SMG1: variants seen among roughly 807,000 people sequenced by gnomAD.
SMG1 encodes serine/threonine-protein kinase SMG1.
A neutral mutation model predicts 419.9 loss-of-function variants in SMG1; 22 were observed. The ratio of observed to expected loss-of-function variants is 0.05; its 90% CI spans 0.04 to 0.07. The LOEUF (loss-of-function observed/expected upper bound fraction) is 0.07. Among genes scored for constraint, SMG1 ranks in the 10% least tolerant of loss-of-function variants. The pLI is 1.00. For synonymous variants in SMG1, 1,538 were observed against 1,553.5 expected, an observed-to-expected ratio of 0.99 and a Z score of 0.23; for missense variants, 3,185 against 4,342.0, an observed-to-expected ratio of 0.73 and a Z score of 7.49.
chr16:18,852,665 A>G (rs1022597651), intron 31 of SMG1, among the ~76,000 whole-genome samples: 2 of 152,232 alleles, frequency 1.3e-5, no homozygotes, highest in African/African-American at 2.4e-5. Context: ...TGAATTCATT[A>G]GCTTCCCAAG....
At chr16:18,885,798 G>C in intron 6 of SMG1, 132 bp from the exon 7 acceptor site, 1 of 704,892 alleles carries the variant, frequency 1.4e-6, no homozygotes, top group Non-Finnish European at 2.2e-6. Flanking sequence ...TGTAGTTTTA[G>C]TTAAAAAAAA....
At chr16:18,912,558 T>C (rs2037835208) in intron 1 of SMG1, among the ~76,000 whole-genome samples, 1 of 152,048 alleles carries the variant, frequency 6.6e-6, no homozygotes, top group Admixed American at 6.6e-5. Context: ...AAGATTACAA[T>C]GAAAATGTAG....
chr16:18,827,977 A>T, intron 55 of SMG1, 54 bp downstream of exon 55: 1 of 1,560,050 alleles, frequency 6.4e-7, no homozygotes, highest in Non-Finnish European at 8.7e-7. Context: ...CAATCATAGT[A>T]TTGGTTATTT....
chr16:18,865,007 G>A (rs980657227), intron 23 of SMG1, among the ~76,000 whole-genome samples: 1 of 152,186 alleles, frequency 6.6e-6, no homozygotes, highest in African/African-American at 2.4e-5. Flanking sequence ...TCAGTGTGTG[G>A]AAAGGCTTTG....
chr16:18,828,140 C>A lies in SMG1; in HGVS notation c.9632G>T (p.Arg3211Ile), dbSNP rs1478680708. 2 of 1,613,018 alleles carry A rather than the reference C, an allele frequency of 1.2e-6. No homozygotes were observed. The highest frequency in any genetic ancestry group is 2.7e-5 in the African/African-American group (2 of 74,774). Residue 3211 changes from arginine to isoleucine, a missense_variant, in exon 55 of 63, where the codon AGA (arginine) becomes ATA (isoleucine). Transcript: ENST00000446231. ...AGGTGTGACTGACATGGCTTGTGGT[C>A]TATTGATAAGTAGATCTTCATGTTG... Reference protein sequence around the residue: ...QWQHEDLLINRPQAMSVTPPP... With the variant: ...QWQHEDLLINIPQAMSVTPPP...
At chr16:18,908,314 G>A (rs554223024) in intron 1 of SMG1, among the ~76,000 whole-genome samples, 10 of 149,870 alleles carry the variant, frequency 6.7e-5, no homozygotes, top group South Asian at 6.3e-4. Flanking sequence ...GCAGTGAGCC[G>A]AGAGCTCACC....
intron 1 of SMG1, among the ~76,000 whole-genome samples, chr16:18,900,282 A>C (rs913440308): frequency 6.6e-6 from 1 of 152,224 alleles, no homozygotes; most frequent in African/African-American, 2.4e-5. Flanking sequence ...TGTTAACTGT[A>C]ACATACAAAT....
At chr16:18,899,962 A>C in intron 1 of SMG1, 1 of 1,348,422 alleles carries the variant, frequency 7.4e-7, no homozygotes, top group Non-Finnish European at 1.0e-6. Context: ...ATGCCACATG[A>C]GAGGTAAGTT....
chr16:18,924,851 T>C (rs568175109), intron 1 of SMG1: 1 of 152,206 alleles, frequency 6.6e-6, no homozygotes. Flanking sequence ...AATGTTACAT[T>C]CTAACATCTT....
At position 18,805,769 on chromosome 16, in the gene SMG1, T is replaced by A. The variant is rs2030769911; in HGVS notation, c.*3800A>T. The A allele has an allele frequency of 6.6e-6, 1 of 152,230 alleles. No individual in the cohort carries two copies. Among genetic ancestry groups the A allele is most frequent in the Non-Finnish European group, 1.5e-5 (1 of 68,030 alleles). The allele number at this position is 152,230 out of a possible 1,614,324, so 9.4% of individuals were successfully genotyped here. A position where few individuals can be genotyped will look rare whatever the true frequency, so the allele number is the denominator to read the frequency against. On this transcript the variant is annotated 3_prime_UTR_variant, in exon 63 of 63. Transcript: ENST00000446231. The stretch of plus-strand genomic sequence containing the variant: ...CTTATGGGGGGAAAAGTCCTAGTTT[T>A]AAATTGCTGGCATTTTACAAGCTCA...
chr16:18,880,120 T>C (rs775101052), intron 10 of SMG1, among the ~76,000 whole-genome samples: 12 of 152,220 alleles, frequency 7.9e-5, no homozygotes, highest in Non-Finnish European at 1.5e-4. Context: ...CTTTTGGGAA[T>C]CAATCTTTTA....
intron 1 of SMG1, among the ~76,000 whole-genome samples, chr16:18,921,853 T>C (rs1274644250): frequency 2.6e-5 from 4 of 152,226 alleles, no homozygotes; most frequent in Admixed American, 2.0e-4. Context: ...GTGTGTACTT[T>C]TGAATACTTT....
chr16:18,835,900 A>G, intron 48 of SMG1, 33 bp downstream of exon 48: 1 of 1,542,510 alleles, frequency 6.5e-7, no homozygotes, highest in South Asian at 1.2e-5. Flanking sequence ...CTCCGTCTCA[A>G]AAATAAAAGA....
intron 1 of SMG1, among the ~76,000 whole-genome samples, chr16:18,922,859 CTGTT>C (rs2038249791): frequency 6.6e-6 from 1 of 152,068 alleles, no homozygotes. Context: ...GGTGGGCAGA[CTGTT>C]TGAGTTCAGG....
chr16:18,910,150 T>C (rs2141956381), intron 1 of SMG1, among the ~76,000 whole-genome samples: 1 of 151,744 alleles, frequency 6.6e-6, no homozygotes, highest in Admixed American at 6.6e-5. Context: ...CACAGTAGCC[T>C]CGACCTCCTG....
chr16:18,881,416 A>AT (rs1368656304), intron 10 of SMG1, among the ~76,000 whole-genome samples: 18 of 152,210 alleles, frequency 1.2e-4, no homozygotes, highest in African/African-American at 4.3e-4. Flanking sequence ...GCAACTTACT[A>AT]AAAATTTTAT....
intron 55 of SMG1, among the ~76,000 whole-genome samples, chr16:18,821,217 G>GTTTTTTTTTTTT (rs2032501770): frequency 3.2e-5 from 1 of 31,732 alleles, no homozygotes; most frequent in African/African-American, 1.1e-4. Flanking sequence ...TATTTAGTAT[G>GTTTTTTTTTTTT]TTTCTTTTTT....
chr16:18,881,158 C>A (rs71382574), intron 10 of SMG1, among the ~76,000 whole-genome samples: 86 of 150,090 alleles, frequency 5.7e-4, no homozygotes, highest in Admixed American at 7.9e-4. Flanking sequence ...AAAAAAAAAA[C>A]CACCATTCTA....
At chr16:18,873,036 C>A (rs1342100701) in intron 13 of SMG1, among the ~76,000 whole-genome samples, 1 of 151,998 alleles carries the variant, frequency 6.6e-6, no homozygotes, top group Non-Finnish European at 1.5e-5. Flanking sequence ...CACTTGTAAT[C>A]CCAGCTACTC....
Sources: allele counts gnomAD v4.1 joint callset (sites outside exome capture counted in the v4.1 genomes callset), GRCh38; gene constraint gnomAD v4.1.1; transcripts MANE v1.5; gene names NCBI Gene and HGNC (gene_info 2026-07-23, HGNC 2026-07-21).